MEAK7: variants seen among roughly 807,000 people sequenced by gnomAD.
MEAK7 encodes MTOR-associated protein MEAK7.
Under a neutral mutation model 40.5 loss-of-function variants are expected in MEAK7, and 68 were observed. That is an observed-to-expected ratio of 1.68 (90% CI 1.38 to 2.06). MEAK7 has a LOEUF of 2.06. Among genes scored for constraint, MEAK7 ranks in the 30% most tolerant of loss-of-function variants. MEAK7 has a pLI of 0.00. For missense variants in MEAK7, 918 were observed against 580.5 expected, an observed-to-expected ratio of 1.58 and a Z score of -5.98; for synonymous variants, 338 against 231.9, an observed-to-expected ratio of 1.46 and a Z score of -4.16.
Position 84,489,329 on chromosome 16 carries a change from G to T in MEAK7, c.478C>A (p.Pro160Thr), listed in dbSNP as rs956676730. The T allele has an allele frequency of 1.2e-6, 2 of 1,614,166 alleles. No individual in the cohort carries two copies. Among genetic ancestry groups the T allele is most frequent in the Admixed American group, 1.7e-5 (1 of 60,024 alleles). Residue 160 changes from proline to threonine, a missense_variant, in exon 4 of 8, where the codon CCC (proline) becomes ACC (threonine). Physicochemically the swap from Pro to Thr is conservative, Grantham distance 38. Coordinates refer to ENST00000343629, the MANE Select transcript of MEAK7 (RefSeq NM_020947.4). ...TGAGCAGCCAGCACCTGCACCCGGG[G>T]GTTGGGCCCTGGGGCTTCCTTCCCA... ...WTGKEAPGPN[P>T]RVQVLAAQLL...
At chr16:84,483,757 C>G (rs1912785008) in intron 5 of MEAK7, among the ~76,000 whole-genome samples, 1 of 152,134 alleles carries the variant, frequency 6.6e-6, no homozygotes, top group African/African-American at 2.4e-5. Context: ...CTTCCGAGGT[C>G]AAGAGGGAGG....
chr16:84,489,330 G>C lies in MEAK7; in HGVS notation c.477C>G (p.Asn159Lys). The change falls in exon 4 of 8, where the codon AAC (asparagine) becomes AAG (lysine). Residue 159 changes from asparagine (N) to lysine (K), a missense_variant. Coordinates refer to ENST00000343629, the MANE Select transcript of MEAK7 (RefSeq NM_020947.4). ...GWTGKEAPGPNPRVQVLAAQL... is the reference protein window; with the variant it reads ...GWTGKEAPGPKPRVQVLAAQL... Reference sequence around the variant, plus strand: ...GAGCAGCCAGCACCTGCACCCGGGGGTTGGGCCCTGGGGCTTCCTTCCCAG... The same window carrying C: ...GAGCAGCCAGCACCTGCACCCGGGGCTTGGGCCCTGGGGCTTCCTTCCCAG... 1 of 1,614,176 alleles carries C rather than the reference G, an allele frequency of 6.2e-7. No homozygotes were observed.
chr16:84,480,580 C>T lies in MEAK7; in HGVS notation c.1206G>A (p.Gln402=). Residue 402 remains glutamine (Q), a synonymous_variant, in exon 7 of 8, where the codon CAG becomes CAA. Coordinates refer to ENST00000343629, the MANE Select transcript of MEAK7 (RefSeq NM_020947.4). ...CCGCCCACACCTCCATCTTATCAAA[C>T]TGGAAGTTCTCCTGAGCCGACAGCT... ...SPQLSAQENF[Q]FDKMEVWAVG... 6.2e-7 allele frequency: 1 copy of T among 1,614,076 alleles called. No homozygotes were observed.
rs769259697 is a variant in MEAK7, at chr16:84,495,773, C to G, written c.294G>C (p.Leu98=). The change falls in exon 3 of 8, where the codon CTG becomes CTC. Residue 98 remains leucine, a synonymous_variant. Coordinates refer to ENST00000343629, the MANE Select transcript of MEAK7 (RefSeq NM_020947.4). ...TCTTCTCCTCGGAGTTTCCTTTCAA[C>G]AGGTGGGACATGGATGCTGTGAACT... ...QEQFTASMSH[L]LKGNSEEKSL... 1.7e-5 allele frequency: 27 copies of G among 1,613,962 alleles called. No homozygotes were observed. In the African/African-American group the frequency reaches 2.8e-4, roughly 17 times the overall value.
chr16:84,500,312 T>C (rs1914394227), intron 1 of MEAK7, among the ~76,000 whole-genome samples: 2 of 152,142 alleles, frequency 1.3e-5, no homozygotes, highest in South Asian at 4.1e-4. Flanking sequence ...ATTTCCAGTG[T>C]CGACACCTAG....
intron 4 of MEAK7, among the ~76,000 whole-genome samples, chr16:84,488,856 CT>C (rs1181247185): frequency 1.3e-5 from 2 of 152,050 alleles, no homozygotes; most frequent in African/African-American, 4.8e-5. Context: ...AATCAATAAC[CT>C]AGTATTCTAT....
At position 84,490,654 on chromosome 16, in the gene MEAK7, A is replaced by ATGTGTGTGTGTGTGTGTGTGTGTGTGTG. The variant is rs35489449; in HGVS notation, c.385-1260_385-1233dup. ...TCAGCTTAATTAAAAGCTAATCAAG[A>ATGTGTGTGTGTGTGTGTGTGTGTGTGTG]TGTGTGTGTGTGTGTGTGTGTGTGT... is the stretch of plus-strand genomic sequence containing the variant. On this transcript the variant is annotated intron_variant, in intron 3 of 7. Coordinates refer to ENST00000343629, the MANE Select transcript of MEAK7 (RefSeq NM_020947.4). Among the ~76,000 whole-genome samples, 51 of 137,604 alleles carry ATGTGTGTGTGTGTGTGTGTGTGTGTGTG rather than the reference A, an allele frequency of 3.7e-4. 1 individual carries two copies. Among genetic ancestry groups the ATGTGTGTGTGTGTGTGTGTGTGTGTGTG allele is most frequent in the African/African-American group, 1.3e-3 (48 of 36,122 alleles). The allele number at this position is 137,604 out of a possible 152,430, so 90.3% of individuals were successfully genotyped here. A position where few individuals can be genotyped will look rare whatever the true frequency, so the allele number is the denominator to read the frequency against.
At chr16:84,503,436 C>T (rs1182473953) in intron 1 of MEAK7, among the ~76,000 whole-genome samples, 1 of 152,170 alleles carries the variant, frequency 6.6e-6, no homozygotes, top group African/African-American at 2.4e-5. Context: ...ACCCTGCTTC[C>T]TGGCTTCCCA....
At chr16:84,492,094 A>G (rs1913666374) in intron 3 of MEAK7, among the ~76,000 whole-genome samples, 1 of 152,160 alleles carries the variant, frequency 6.6e-6, no homozygotes, top group African/African-American at 2.4e-5. Flanking sequence ...AATTTAAAAT[A>G]TTTAACCCCT....
chr16:84,498,573 C>G (rs142486245), intron 1 of MEAK7, among the ~76,000 whole-genome samples: 219 of 152,156 alleles, frequency 1.4e-3, no homozygotes, highest in Middle Eastern at 3.4e-3. Context: ...CCGTGACTAG[C>G]TAATATTGTT....
intron 3 of MEAK7, among the ~76,000 whole-genome samples, chr16:84,491,603 C>A (rs958922010): frequency 1.2e-4 from 17 of 147,822 alleles, no homozygotes; most frequent in African/African-American, 4.0e-4. Context: ...CTTTGGGAGG[C>A]CGAGGCAGGT....
chr16:84,498,179 A>T, intron 1 of MEAK7, 68 bp from the exon 2 acceptor site: 1 of 1,502,180 alleles, frequency 6.7e-7, no homozygotes, highest in Non-Finnish European at 8.9e-7. Flanking sequence ...AAATGTTGAG[A>T]ATTATATGGT....
intron 5 of MEAK7, chr16:84,485,938 T>A (rs1913012774): frequency 6.6e-6 from 1 of 152,000 alleles, no homozygotes; most frequent in Admixed American, 6.5e-5. Context: ...TGCCTCGGAC[T>A]CCCAAAGTGC....
rs1914191927 is a variant in MEAK7 at position 84,497,964 on chromosome 16, T to A, written c.123A>T (p.Ser41=). The A allele has an allele frequency of 1.2e-6, 2 of 1,614,054 alleles. No individual in the cohort carries two copies. Among genetic ancestry groups the A allele is most frequent in the Non-Finnish European group, 8.5e-7 (1 of 1,180,024 alleles). The stretch of plus-strand genomic sequence containing the variant: ...GTGCCTTCAGAGAGAAGGATTTGGA[T>A]GAGACATTCGGGCTGTTTTTATCTG... The part of the protein sequence containing the change: ...LSSDKNSPNV[S]SKSFSLKALQ... Residue 41 remains serine, a synonymous_variant, in exon 2 of 8, where the codon TCA becomes TCT. Transcript: ENST00000343629.
intron 5 of MEAK7, among the ~76,000 whole-genome samples, chr16:84,484,622 C>A (rs977977990): frequency 6.6e-6 from 1 of 152,164 alleles, no homozygotes; most frequent in South Asian, 2.1e-4. Context: ...CACATTACCC[C>A]GCAGGGAAAT....
chr16:84,495,786 G>C lies in MEAK7; in HGVS notation c.281C>G (p.Ser94Cys), dbSNP rs1597960483. Residue 94 changes from serine (S) to cysteine (C), a missense_variant, in exon 3 of 8, where the codon TCC becomes TGC. Transcript: ENST00000343629. ...ENVSQEQFTA[S>C]MSHLLKGNSE... is the part of the protein sequence containing the mutation. ...GTTTCCTTTCAACAGGTGGGACATGGATGCTGTGAACTGCTCCTGGGACAC... is the reference window on the plus strand; with the variant it reads ...GTTTCCTTTCAACAGGTGGGACATGCATGCTGTGAACTGCTCCTGGGACAC... The C allele has an allele frequency of 6.2e-7, 1 of 1,614,090 alleles. No homozygotes were observed. Among genetic ancestry groups the C allele is most frequent in the Non-Finnish European group, 8.5e-7 (1 of 1,180,018 alleles).
chr16:84,493,773 G>A (rs1913820883), intron 3 of MEAK7, among the ~76,000 whole-genome samples: 1 of 152,152 alleles, frequency 6.6e-6, no homozygotes, highest in Non-Finnish European at 1.5e-5. Context: ...ATTTCATGAA[G>A]GCTTTGACTG....
rs1480973007 is a variant in MEAK7, at chr16:84,479,220, T to A, written c.*693A>T. 1 of 152,242 alleles carries A rather than the reference T, an allele frequency of 6.6e-6. No homozygotes were observed. The highest frequency in any genetic ancestry group is 1.5e-5 in the Non-Finnish European group (1 of 68,070). 9.4% of individuals were successfully genotyped at this position (152,242 alleles called of 1,614,324 possible). On this transcript the variant is annotated 3_prime_UTR_variant, in exon 8 of 8. Transcript: ENST00000343629. Reference sequence around the variant, plus strand: ...TTTAAATACAGAACTCCCATGCCATTGGAAGCTGTTCCCAGAAAGCGTCGA... The same window carrying A: ...TTTAAATACAGAACTCCCATGCCATAGGAAGCTGTTCCCAGAAAGCGTCGA...
At chr16:84,483,030 G>C (rs897923220) in intron 5 of MEAK7, among the ~76,000 whole-genome samples, 12 of 152,234 alleles carry the variant, frequency 7.9e-5, no homozygotes, top group Non-Finnish European at 1.8e-4. Flanking sequence ...AGAAAGAGCA[G>C]GCTTCCTTTA....
Sources: allele counts gnomAD v4.1 joint callset (sites outside exome capture counted in the v4.1 genomes callset), GRCh38; gene constraint gnomAD v4.1.1; transcripts MANE v1.5; gene names NCBI Gene and HGNC (gene_info 2026-07-23, HGNC 2026-07-21).